MARCHF10: variants seen among roughly 807,000 people sequenced by gnomAD.
MARCHF10 encodes membrane associated ring-CH-type finger 10, also known as probable E3 ubiquitin-protein ligase MARCHF10.
Under a neutral mutation model 76.2 loss-of-function variants are expected in MARCHF10, and 64 were observed. That is an observed-to-expected ratio of 0.84 (90% CI 0.69 to 1.03). MARCHF10 has a LOEUF of 1.03. Ranked by LOEUF, MARCHF10 falls within the 50% of genes least tolerant of loss-of-function variation. The pLI, the probability that MARCHF10 is intolerant of heterozygous loss-of-function variation, is 0.00. For synonymous variants in MARCHF10, 340 were observed against 357.5 expected (o/e 0.95, Z 0.55); for missense variants, 875 against 958.0 (o/e 0.91, Z 1.14).
At position 62,766,218 on chromosome 17, in the gene MARCHF10, G is replaced by A. The variant is rs1177063949; in HGVS notation, c.211-6212C>T. ...CTCAAAATAAATAAATAAATAATTG[G>A]GGCCGGACGCGGTGGCTCACGCCTG... On this transcript the variant is annotated intron_variant, in intron 3 of 10. Coordinates refer to ENST00000311269, the MANE Select transcript of MARCHF10 (RefSeq NM_152598.4). Among the ~76,000 whole-genome samples the A allele has an allele frequency of 3.3e-5, 5 of 151,392 alleles. No homozygotes were observed. The East Asian group carries it at 9.7e-4, about 29-fold the overall frequency.
intron 3 of MARCHF10, among the ~76,000 whole-genome samples, chr17:62,760,688 A>G (rs980255679): frequency 6.6e-6 from 1 of 152,252 alleles, no homozygotes. Flanking sequence ...CCACCAAAGA[A>G]AGGATGAAAA....
intron 3 of MARCHF10, among the ~76,000 whole-genome samples, chr17:62,775,842 G>T (rs1272772228): frequency 6.7e-6 from 1 of 149,608 alleles, no homozygotes; most frequent in African/African-American, 2.4e-5. Flanking sequence ...TTAGAGACAG[G>T]ATCTCATTCT....
chr17:62,716,582 A>T (rs138451298), intron 8 of MARCHF10, among the ~76,000 whole-genome samples: 4 of 152,034 alleles, frequency 2.6e-5, no homozygotes, highest in African/African-American at 7.2e-5. Context: ...GGGCCTGTGT[A>T]TCACCATTTT....
In MARCHF10 at chr17:62,711,376, T is replaced by C. The variant is rs773933219; in HGVS notation, c.2215-32A>G. 5.0e-6 allele frequency: 8 copies of C among 1,595,710 alleles called. No individual in the cohort carries two copies. Among genetic ancestry groups the C allele is most frequent in the Non-Finnish European group, 6.9e-6 (8 of 1,163,476 alleles). On this transcript the variant is annotated intron_variant, in intron 8 of 10. Transcript: ENST00000311269. This position sits in a 1 kb window ranked among gnomAD's most constrained non-coding sequence, Gnocchi z 4.4. ...ATGGAAAAGAAAGCTCTTCAGTTCATCTGTAAAATAGTCATGGTCTAAATT... is the reference window on the plus strand; with the variant it reads ...ATGGAAAAGAAAGCTCTTCAGTTCACCTGTAAAATAGTCATGGTCTAAATT...
chr17:62,743,913 G>A (rs1236741057), intron 5 of MARCHF10, among the ~76,000 whole-genome samples: 1 of 152,146 alleles, frequency 6.6e-6, no homozygotes, highest in East Asian at 1.9e-4. Context: ...CTGCTGGGAG[G>A]TGAGCAGCCT....
intron 1 of MARCHF10, chr17:62,805,159 C>T (rs764492431): frequency 1.1e-4 from 17 of 152,090 alleles, no homozygotes; most frequent in Non-Finnish European, 1.8e-4. Context: ...TGTGTATTTC[C>T]AGTCTACACA....
At chr17:62,705,485 AAG>A in intron 10 of MARCHF10, 52 bp downstream of exon 10, 1 of 1,614,008 alleles carries the variant, frequency 6.2e-7, no homozygotes, top group Non-Finnish European at 8.5e-7. Flanking sequence ...GTCACAGAAA[AAG>A]AGTAATTTAG....
At chr17:62,773,739 G>A (rs1004763374) in intron 3 of MARCHF10, among the ~76,000 whole-genome samples, 2 of 152,172 alleles carry the variant, frequency 1.3e-5, no homozygotes, top group Admixed American at 1.3e-4. Context: ...ACACTATGGC[G>A]TGAGGTGGAA....
At chr17:62,740,252 G>A (rs1054524563) in intron 5 of MARCHF10, among the ~76,000 whole-genome samples, 3 of 152,134 alleles carry the variant, frequency 2.0e-5, no homozygotes, top group African/African-American at 7.2e-5. Flanking sequence ...CATAGACCAG[G>A]CCCTGCAGAT....
intron 10 of MARCHF10, 147 bp downstream of exon 10, chr17:62,705,392 G>A: frequency 1.3e-6 from 2 of 1,543,616 alleles, no homozygotes; most frequent in Admixed American, 4.6e-5. Context: ...GTTTGCTGCG[G>A]CTGACTTTCC....
Position 62,744,484 on chromosome 17 carries a change from G to A in MARCHF10, c.427C>T (p.Leu143=), listed in dbSNP as rs1452211403. The A allele has an allele frequency of 6.2e-7, 1 of 1,614,044 alleles. No homozygotes were observed. Among genetic ancestry groups the A allele is most frequent in the African/African-American group, 1.3e-5 (1 of 74,922 alleles). ...TCTGGGCTGACTGTAAATCTCCTCA[G>A]GTTTGGCTTCCTCTTTCTTAATAAA... ...MVLLRKRKPN[L]RRFTVSPESH... The change falls in exon 5 of 11, where the codon CTG becomes TTG. Residue 143 remains leucine, a synonymous_variant. Coordinates refer to ENST00000311269, the MANE Select transcript of MARCHF10 (RefSeq NM_152598.4).
At chr17:62,746,016 T>C (rs2091691512) in intron 4 of MARCHF10, among the ~76,000 whole-genome samples, 1 of 152,234 alleles carries the variant, frequency 6.6e-6, no homozygotes, top group African/African-American at 2.4e-5. Flanking sequence ...CCCCGACTTG[T>C]GTGTGAGAGC....
intron 9 of MARCHF10, among the ~76,000 whole-genome samples, chr17:62,709,278 G>A (rs1478458433): frequency 6.6e-6 from 1 of 152,100 alleles, no homozygotes. Context: ...TCAGGAGTTC[G>A]AGACCAGCCT....
Position 62,746,815 on chromosome 17 carries a change from G to A in MARCHF10, c.383-2287C>T, listed in dbSNP as rs771290870. 2.4e-6 allele frequency: 3 copies of A among 1,237,050 alleles called. No individual in the cohort carries two copies. The South Asian group carries it at 4.0e-5, about 17-fold the overall frequency. The allele number at this position is 1,237,050 out of a possible 1,614,324, so 76.6% of individuals were successfully genotyped here. A position where few individuals can be genotyped will look rare whatever the true frequency, so the allele number is the denominator to read the frequency against. ...TCAAAGTTCCCACGCACCCCAGGCA[G>A]CAGAACTTCACACTGCCCAGAGGCC... is the stretch of plus-strand genomic sequence containing the variant. On this transcript the variant is annotated intron_variant, in intron 4 of 10. Transcript: ENST00000311269.
intron 1 of MARCHF10, among the ~76,000 whole-genome samples, chr17:62,807,420 A>T (rs2093179425): frequency 6.6e-6 from 1 of 152,090 alleles, no homozygotes; most frequent in Non-Finnish European, 1.5e-5. Context: ...TCTTCATTTT[A>T]CTGTGAAACT....
intron 8 of MARCHF10, among the ~76,000 whole-genome samples, chr17:62,717,371 T>A (rs904743214): frequency 2.0e-5 from 3 of 152,260 alleles, no homozygotes; most frequent in Non-Finnish European, 2.9e-5. Flanking sequence ...AAGGCTCTGA[T>A]GGCTTGTGAA....
chr17:62,769,927 AC>A (rs760961275), intron 3 of MARCHF10, among the ~76,000 whole-genome samples: 1 of 152,116 alleles, frequency 6.6e-6, no homozygotes, highest in Non-Finnish European at 1.5e-5. Flanking sequence ...TGTTTTAGAT[AC>A]AGGGGGTACA....
At chr17:62,793,780 GCAC>G (rs752350093) in intron 2 of MARCHF10, among the ~76,000 whole-genome samples, 28 of 93,870 alleles carry the variant, frequency 3.0e-4, no homozygotes, top group African/African-American at 8.6e-4. Flanking sequence ...ACCTCCATCA[GCAC>G]CACAACCATT....
chr17:62,717,030 C>G (rs555473141), intron 8 of MARCHF10, among the ~76,000 whole-genome samples: 2 of 152,360 alleles, frequency 1.3e-5, no homozygotes, highest in Admixed American at 1.3e-4. Flanking sequence ...GGCTTGTCCC[C>G]TCAGTGGGCT....
Sources: gnomAD v4.1 joint callset for allele counts (sites outside exome capture counted in the v4.1 genomes callset) on GRCh38, gnomAD v4.1.1 for gene constraint, Gnocchi (gnomAD v3.1) non-coding constraint, MANE v1.5 for transcripts, NCBI Gene and HGNC (gene_info 2026-07-23, HGNC 2026-07-21) for gene names.